DOP1B: variants seen among roughly 807,000 people sequenced by gnomAD.
DOP1B encodes the protein protein DOP1B.
In DOP1B, 174 loss-of-function variants were observed where a neutral mutation model predicts 233.5. The ratio of observed to expected loss-of-function variants is 0.75; its 90% CI spans 0.66 to 0.85. The LOEUF is 0.85. DOP1B is among the 40% of genes least tolerant of loss of function. The pLI, the probability that DOP1B is intolerant of heterozygous loss-of-function variation, is 0.00. For synonymous variants in DOP1B, 1,190 were observed against 1,185.6 expected, an observed-to-expected ratio of 1.00 and a Z score of -0.08; for missense variants, 2,652 against 2,846.6, an observed-to-expected ratio of 0.93 and a Z score of 1.56.
intron 9 of DOP1B, among the ~76,000 whole-genome samples, chr21:36,218,176 C>A (rs1489899039): frequency 6.6e-6 from 1 of 152,176 alleles, no homozygotes; most frequent in Non-Finnish European, 1.5e-5. Flanking sequence ...TCAATCAAGG[C>A]AACAAAATTG....
chr21:36,224,470 G>T (rs550734980), intron 11 of DOP1B, among the ~76,000 whole-genome samples: 31 of 151,346 alleles, frequency 2.0e-4, no homozygotes, highest in Non-Finnish European at 3.1e-4. Flanking sequence ...ATGAGCCGCC[G>T]CATCTGGCCA....
At chr21:36,242,595 G>A (rs545889144) in intron 18 of DOP1B, among the ~76,000 whole-genome samples, 67 of 152,248 alleles carry the variant, frequency 4.4e-4, no homozygotes, top group Non-Finnish European at 9.0e-4. Flanking sequence ...TTACAGGCAT[G>A]AGCTACTACG....
At chr21:36,189,183 C>T (rs1325553782) in intron 2 of DOP1B, among the ~76,000 whole-genome samples, 1 of 152,072 alleles carries the variant, frequency 6.6e-6, no homozygotes, top group Non-Finnish European at 1.5e-5. Flanking sequence ...AGTGACACTT[C>T]CTGATTTCTA....
At chr21:36,200,229 C>T in intron 3 of DOP1B, 102 bp from the exon 4 acceptor site, 3 of 1,435,512 alleles carry the variant, frequency 2.1e-6, no homozygotes, top group Non-Finnish European at 2.8e-6. Flanking sequence ...GTTTAAATGG[C>T]CAGCTGTTTG....
intron 26 of DOP1B, among the ~76,000 whole-genome samples, chr21:36,268,215 T>C (rs920028933): frequency 6.6e-6 from 1 of 152,130 alleles, no homozygotes; most frequent in Non-Finnish European, 1.5e-5. Flanking sequence ...AGTGGCTGTT[T>C]ATAGACCTCA....
chr21:36,253,382 G>A (rs972075923), intron 22 of DOP1B, among the ~76,000 whole-genome samples: 1 of 152,164 alleles, frequency 6.6e-6, no homozygotes, highest in Non-Finnish European at 1.5e-5. Flanking sequence ...CCTGGGTGGA[G>A]CCTTTACCTA....
Position 36,169,616 on chromosome 21 carries a change from G to T in DOP1B, c.138+4745G>T. ...GGCTCAGTCCAGCTTCTCAGCCATG[G>T]TGCCTCCGTTCACTTGGATCTCCAT... On this transcript the variant is annotated intron_variant, in intron 2 of 36. Transcript: ENST00000691173. The T allele has an allele frequency of 3.1e-6, 3 of 953,760 alleles. No homozygotes were observed. In the South Asian group the frequency reaches 3.9e-5, roughly 12 times the overall value. The allele number at this position is 953,760 out of a possible 1,614,324, so 59.1% of individuals were successfully genotyped here.
chr21:36,287,004 A>G (rs1013505618), intron 32 of DOP1B, among the ~76,000 whole-genome samples: 1 of 152,048 alleles, frequency 6.6e-6, no homozygotes. Flanking sequence ...TAATGTACTA[A>G]TGTACTACAG....
intron 15 of DOP1B, 151 bp downstream of exon 15, chr21:36,233,226 C>T: frequency 8.7e-7 from 1 of 1,146,718 alleles, no homozygotes; most frequent in Non-Finnish European, 1.2e-6. Flanking sequence ...TTTGGTCTTC[C>T]TCTCCCAGCA....
intron 23 of DOP1B, among the ~76,000 whole-genome samples, chr21:36,258,033 TTAGATGTAGGTAGGTAGA>T (rs1473219501): frequency 2.2e-5 from 3 of 138,338 alleles, no homozygotes; most frequent in Non-Finnish European, 4.7e-5. Flanking sequence ...ATAGATGTAG[TTAGATGTAGGTAGGTAGA>T]TAGATGTAGG....
At chr21:36,272,679 G>C (rs1270601140) in intron 27 of DOP1B, among the ~76,000 whole-genome samples, 1 of 140,298 alleles carries the variant, frequency 7.1e-6, no homozygotes, top group Non-Finnish European at 1.5e-5. Context: ...GACTATCCTA[G>C]TAACACAGCA....
At chr21:36,220,165 G>A (rs1424581425) in intron 10 of DOP1B, among the ~76,000 whole-genome samples, 1 of 152,062 alleles carries the variant, frequency 6.6e-6, no homozygotes, top group Non-Finnish European at 1.5e-5. Flanking sequence ...CTAGCATTGG[G>A]TACATTGAAA....
At chr21:36,240,712 A>G (rs938056172) in intron 18 of DOP1B, among the ~76,000 whole-genome samples, 1 of 142,360 alleles carries the variant, frequency 7.0e-6, no homozygotes, top group Admixed American at 6.9e-5. Context: ...GAAAAACTAA[A>G]TAAGCCTGAT....
Position 36,245,290 on chromosome 21 carries a change from C to T in DOP1B, c.3310C>T (p.Pro1104Ser). 6.2e-7 allele frequency: 1 copy of T among 1,614,098 alleles called. No individual in the cohort carries two copies. The highest frequency in any genetic ancestry group is 8.5e-7 in the Non-Finnish European group (1 of 1,180,040). ...ELPDRTAHGA[P>S]DSSEHTESAD... ...TCCAGACAGGACGGCCCACGGCGCCCCGGACAGCAGCGAGCACACCGAGTC... is the reference window on the plus strand; with the variant it reads ...TCCAGACAGGACGGCCCACGGCGCCTCGGACAGCAGCGAGCACACCGAGTC... Residue 1104 changes from proline (P) to serine (S), a missense_variant, in exon 19 of 37, where the codon CCG becomes TCG. Pro to Ser is a moderately conservative substitution (Grantham distance 74). Around this residue, in one of 3 missense-constraint regions of DOP1B, gnomAD observed 2,617 missense variants for 2,794.3 expected, o/e 0.94. Coordinates refer to ENST00000691173, the MANE Select transcript of DOP1B (RefSeq NM_001320714.2). The surrounding 1 kb of genome is among the most constrained non-coding windows in gnomAD (Gnocchi z 5.5).
Position 36,164,625 on chromosome 21 carries a change from C to T in DOP1B, c.-26-83C>T, listed in dbSNP as rs375181209. ...TTGTGCACAGTTGTGTTTGTGGACA[C>T]GTGTCTTCTGTAGCTCTGGGTTGGG... On this transcript the variant is annotated intron_variant, in intron 1 of 36. Coordinates refer to ENST00000691173, the MANE Select transcript of DOP1B (RefSeq NM_001320714.2). The T allele has an allele frequency of 6.3e-5, 70 of 1,113,278 alleles. No individual in the cohort carries two copies. The African/African-American group carries it at 8.4e-4, about 13-fold the overall frequency. 69.0% of individuals were successfully genotyped at this position (1,113,278 alleles called of 1,614,324 possible). A position where few individuals can be genotyped will look rare whatever the true frequency, so the allele number is the denominator to read the frequency against.
In DOP1B at chr21:36,246,530, C is replaced by T. The variant is rs146690528; in HGVS notation, c.4550C>T (p.Pro1517Leu). ...LQPAYGYGMH[P>L]AWVSLVTHSL... ...CCCGCCTACGGTTACGGCATGCATC[C>T]GGCCTGGGTGAGCTTGGTCACGCAT... is the stretch of plus-strand genomic sequence containing the variant. Residue 1517 changes from proline to leucine, a missense_variant, in exon 19 of 37, where the codon CCG becomes CTG. By Grantham distance (98) the Pro-to-Leu change is moderately conservative. Around this residue, in one of 3 missense-constraint regions of DOP1B, gnomAD observed 2,617 missense variants for 2,794.3 expected, o/e 0.94. Transcript: ENST00000691173. This position sits in a 1 kb window ranked among gnomAD's most constrained non-coding sequence, Gnocchi z 5.1. 4.0e-5 allele frequency: 65 copies of T among 1,614,036 alleles called. No individual in the cohort carries two copies. The highest frequency in any genetic ancestry group is 3.3e-4 in the Middle Eastern group (2 of 6,084).
intron 35 of DOP1B, among the ~76,000 whole-genome samples, chr21:36,290,346 G>A (rs914646320): frequency 7.2e-5 from 11 of 151,894 alleles, no homozygotes; most frequent in African/African-American, 2.2e-4. Context: ...CCAACATGGC[G>A]AAACCCTGTC....
At chr21:36,262,388 A>G (rs574455336) in intron 24 of DOP1B, among the ~76,000 whole-genome samples, 1 of 152,266 alleles carries the variant, frequency 6.6e-6, no homozygotes, top group Non-Finnish European at 1.5e-5. Flanking sequence ...GACCTGGGAC[A>G]CTCTGACTGT....
chr21:36,202,181 C>T (rs754330736), intron 4 of DOP1B, among the ~76,000 whole-genome samples: 2 of 152,080 alleles, frequency 1.3e-5, no homozygotes, highest in East Asian at 1.9e-4. Flanking sequence ...AGTAAGACTA[C>T]GTCTCAGAAA....
Sources: gnomAD v4.1 joint callset for allele counts (sites outside exome capture counted in the v4.1 genomes callset) on GRCh38, gnomAD v4.1.1 for gene constraint, gnomAD v4.1.1 regional missense constraint, Gnocchi (gnomAD v3.1) non-coding constraint, MANE v1.5 for transcripts, NCBI Gene and HGNC (gene_info 2026-07-23, HGNC 2026-07-21) for gene names.